Variants in HMCN1 observed in about 807,000 individuals in gnomAD.
HMCN1 encodes the protein hemicentin-1.
In HMCN1, 321 loss-of-function variants were observed where a neutral mutation model predicts 625.9. The observed-to-expected ratio is 0.51, with a 90% CI of 0.47 to 0.56. The LOEUF (loss-of-function observed/expected upper bound fraction) is 0.56, where lower values mean the gene tolerates loss of function less well. Among genes scored for constraint, HMCN1 ranks in the 20% least tolerant of loss-of-function variants. The pLI, the probability that HMCN1 is intolerant of heterozygous loss-of-function variation, is 0.00. For synonymous variants in HMCN1, 2,425 were observed against 2,417.6 expected (o/e 1.00, Z -0.09); for missense variants, 6,588 against 6,887.3 (o/e 0.96, Z 1.54).
chr1:185,999,670 A>G (rs1653042574), intron 25 of HMCN1, among the ~76,000 whole-genome samples: 1 of 151,926 alleles, frequency 6.6e-6, no homozygotes, highest in Non-Finnish European at 1.5e-5. Flanking sequence ...ATGGTGTCTT[A>G]TTTTTGCTCT....
chr1:186,038,481 G>A (rs1257600129), intron 37 of HMCN1, among the ~76,000 whole-genome samples: 1 of 152,110 alleles, frequency 6.6e-6, no homozygotes, highest in East Asian at 1.9e-4. Context: ...CAGTGTGGAT[G>A]GTATTTGGTT....
At chr1:185,870,036 T>A (rs553874976) in intron 4 of HMCN1, among the ~76,000 whole-genome samples, 9,673 of 149,038 alleles carry the variant, frequency 0.065, 649 homozygotes, top group African/African-American at 0.17. Context: ...TTTTTTTTTT[T>A]AAAAAAAAAC....
intron 8 of HMCN1, among the ~76,000 whole-genome samples, chr1:185,924,376 G>A (rs12057384): frequency 0.087 from 13,254 of 151,692 alleles, 1,544 homozygotes; most frequent in African/African-American, 0.27. Context: ...GACTACAGGC[G>A]CCTGCCACCT....
At chr1:185,825,799 A>G (rs6660510) in intron 1 of HMCN1, among the ~76,000 whole-genome samples, 52,812 of 151,982 alleles carry the variant, frequency 0.35, 10,551 homozygotes, top group African/African-American at 0.55. Context: ...AGCTTAGGAA[A>G]TCCAGTTCTT....
At chr1:185,773,268 A>T (rs1656372300) in intron 1 of HMCN1, among the ~76,000 whole-genome samples, 1 of 152,208 alleles carries the variant, frequency 6.6e-6, no homozygotes, top group African/African-American at 2.4e-5. Flanking sequence ...AATGCATAGA[A>T]TAACCCTCCA....
At chr1:185,931,238 T>G (rs1020781752) in intron 10 of HMCN1, among the ~76,000 whole-genome samples, 1 of 152,110 alleles carries the variant, frequency 6.6e-6, no homozygotes, top group Non-Finnish European at 1.5e-5. Context: ...CTTGTCATCT[T>G]TCCTCCCTCA....
In HMCN1 at chr1:186,128,104, T is replaced by C; in HGVS notation, c.12717T>C (p.Cys4239=). 1 of 1,613,598 alleles carries C rather than the reference T, an allele frequency of 6.2e-7. No individual in the cohort carries two copies. The highest frequency in any genetic ancestry group is 8.5e-7 in the Non-Finnish European group (1 of 1,179,674). The change falls in exon 83 of 107, where the codon TGT becomes TGC. Residue 4239 remains cysteine (C), a synonymous_variant. Coordinates refer to ENST00000271588, the MANE Select transcript of HMCN1 (RefSeq NM_031935.3). ...VVLEDSGFYT[C]VANNAAGEDT... ...TGGAGGATTCTGGCTTCTATACCTG[T>C]GTTGCTAACAATGCTGCAGGTGAAG...
intron 36 of HMCN1, among the ~76,000 whole-genome samples, chr1:186,034,774 T>G (rs1389065529): frequency 6.6e-6 from 1 of 152,226 alleles, no homozygotes; most frequent in Admixed American, 6.5e-5. Context: ...CTTTTTGGAT[T>G]TTTGCAAGTC....
chr1:185,825,440 A>G (rs1408951282), intron 1 of HMCN1, among the ~76,000 whole-genome samples: 1 of 152,204 alleles, frequency 6.6e-6, no homozygotes, highest in African/African-American at 2.4e-5. Flanking sequence ...AAAGTATGGT[A>G]GCAAGTGCTA....
intron 37 of HMCN1, 24 bp downstream of exon 37, chr1:186,038,059 A>G (rs778525452): frequency 1.4e-6 from 2 of 1,415,324 alleles, no homozygotes; most frequent in South Asian, 1.1e-5. Flanking sequence ...TGAACTCTGT[A>G]ACTTAATATT....
At chr1:186,149,925 G>A (rs914078980) in intron 93 of HMCN1, among the ~76,000 whole-genome samples, 4 of 152,052 alleles carry the variant, frequency 2.6e-5, no homozygotes, top group Admixed American at 6.6e-5. Context: ...ATATGGGCAT[G>A]GTTCATGAAA....
At chr1:185,891,863 G>T (rs1448823905) in intron 4 of HMCN1, among the ~76,000 whole-genome samples, 1 of 147,818 alleles carries the variant, frequency 6.8e-6, no homozygotes, top group Non-Finnish European at 1.5e-5. Context: ...GGCCTGCCTT[G>T]CTAGATTGGG....
intron 30 of HMCN1, among the ~76,000 whole-genome samples, chr1:186,014,318 T>TTATA (rs954979915): frequency 4.0e-5 from 6 of 150,160 alleles, no homozygotes; most frequent in African/African-American, 1.5e-4. Flanking sequence ...GTTTATAAGA[T>TTATA]TATATATATA....
chr1:186,150,169 A>C (rs1228343451), intron 93 of HMCN1, among the ~76,000 whole-genome samples: 3 of 152,232 alleles, frequency 2.0e-5, no homozygotes, highest in African/African-American at 7.2e-5. Flanking sequence ...GCAACAAAGC[A>C]AAGTATGATA....
At chr1:186,156,970 C>A (rs531105755) in intron 97 of HMCN1, among the ~76,000 whole-genome samples, 1 of 152,194 alleles carries the variant, frequency 6.6e-6, no homozygotes, top group Non-Finnish European at 1.5e-5. Context: ...GGGTTGCACA[C>A]CCGTGGGTGA....
intron 41 of HMCN1, among the ~76,000 whole-genome samples, chr1:186,046,971 A>G (rs1251201178): frequency 2.0e-5 from 3 of 152,124 alleles, no homozygotes; most frequent in South Asian, 4.1e-4. Flanking sequence ...CACCCAGACT[A>G]TGGCTTCAGA....
chr1:186,011,473 A>T (rs1009418175), intron 30 of HMCN1, among the ~76,000 whole-genome samples: 5 of 152,222 alleles, frequency 3.3e-5, no homozygotes, highest in African/African-American at 1.2e-4. Flanking sequence ...CATTGCTTGG[A>T]AGGCATTACA....
chr1:186,056,617 C>T (rs1463506669), intron 45 of HMCN1, among the ~76,000 whole-genome samples: 1 of 151,874 alleles, frequency 6.6e-6, no homozygotes, highest in Non-Finnish European at 1.5e-5. Context: ...AGTTGGAGAC[C>T]ATAATCATAA....
intron 82 of HMCN1, among the ~76,000 whole-genome samples, chr1:186,126,151 T>C (rs1661632272): frequency 6.6e-6 from 1 of 152,100 alleles, no homozygotes; most frequent in Admixed American, 6.6e-5. Flanking sequence ...TTCAATTCTT[T>C]AGTGCTTCAA....
Sources: gnomAD v4.1 joint callset for allele counts (sites outside exome capture counted in the v4.1 genomes callset) on GRCh38, gnomAD v4.1.1 for gene constraint, MANE v1.5 for transcripts, NCBI Gene and HGNC (gene_info 2026-07-23, HGNC 2026-07-21) for gene names.